COL4A1: variants seen among roughly 807,000 people sequenced by gnomAD.
COL4A1 encodes the protein collagen type IV alpha 1 chain.
Under a neutral mutation model 216.6 loss-of-function variants are expected in COL4A1, and 40 were observed. The observed-to-expected ratio is 0.18, with a 90% confidence interval of 0.14 to 0.24. COL4A1 has a LOEUF of 0.24. Ranked by LOEUF, COL4A1 falls within the 10% of genes least tolerant of loss-of-function variation. COL4A1 has a pLI of 1.00. For synonymous variants in COL4A1, 839 were observed against 810.7 expected (o/e 1.03, Z -0.59); for missense variants, 1,628 against 2,196.8 (o/e 0.74, Z 5.18).
chr13:110,253,843 A>G (rs1216005712), intron 1 of COL4A1, among the ~76,000 whole-genome samples: 1 of 143,106 alleles, frequency 7.0e-6, no homozygotes, highest in Non-Finnish European at 1.5e-5. Flanking sequence ...TATACGTATA[A>G]TTATACGTAT....
At chr13:110,245,802 C>T (rs1881779915) in intron 1 of COL4A1, among the ~76,000 whole-genome samples, 1 of 152,074 alleles carries the variant, frequency 6.6e-6, no homozygotes, top group Non-Finnish European at 1.5e-5. Flanking sequence ...ACAGAAACAC[C>T]CCCAGCCGGT....
intron 1 of COL4A1, among the ~76,000 whole-genome samples, chr13:110,273,345 G>T (rs1454261114): frequency 1.3e-5 from 2 of 152,222 alleles, no homozygotes; most frequent in African/African-American, 2.4e-5. Context: ...ACCTACCTGT[G>T]TCAAAAAGGC....
rs1878669252 is a variant in COL4A1 at position 110,192,291 on chromosome 13, TGAGA to T, written c.1466-11_1466-8del. The T allele has an allele frequency of 2.5e-6, 4 of 1,613,878 alleles. 1 individual carries two copies. The East Asian group carries it at 8.9e-5, about 36-fold the overall frequency. On this transcript the variant is annotated splice_polypyrimidine_tract_variant and splice_region_variant and intron_variant, in intron 23 of 51. Transcript: ENST00000375820. ...CCTGGCTGCCCTGGGAAACCTTTCG[TGAGA>T]GAGAGGGAAAAAGACAGCAACACAG... is the stretch of plus-strand genomic sequence containing the variant.
chr13:110,201,704 G>A (rs770498350), intron 18 of COL4A1, 182 bp from the exon 19 acceptor site: 3 of 754,604 alleles, frequency 4.0e-6, no homozygotes, highest in Admixed American at 1.7e-5. Flanking sequence ...TATGGGACAG[G>A]CCGGTGCGGT....
chr13:110,274,676 G>C (rs1411807502), intron 1 of COL4A1, among the ~76,000 whole-genome samples: 1 of 152,160 alleles, frequency 6.6e-6, no homozygotes, highest in Non-Finnish European at 1.5e-5. Context: ...GGAGTGTCAG[G>C]AAAAGAAACC....
At chr13:110,252,594 ACG>A (rs1882163263) in intron 1 of COL4A1, among the ~76,000 whole-genome samples, 1 of 71,252 alleles carries the variant, frequency 1.4e-5, no homozygotes, top group Non-Finnish European at 2.9e-5. Flanking sequence ...GTATAATTAT[ACG>A]TATATATGTA....
intron 1 of COL4A1, among the ~76,000 whole-genome samples, chr13:110,303,240 G>C (rs1566457847): frequency 1.3e-5 from 2 of 151,844 alleles, no homozygotes. Context: ...AGTTCCTAAA[G>C]GCACTCCTGA....
intron 2 of COL4A1, among the ~76,000 whole-genome samples, chr13:110,229,682 C>T (rs58206866): frequency 0.01 from 1,561 of 152,280 alleles, 16 homozygotes; most frequent in Non-Finnish European, 0.016. Context: ...CCCCCGCCCT[C>T]GCGCTGCCTA....
Position 110,161,976 on chromosome 13 carries a change from T to G in COL4A1, c.4462+254A>C. 10 of 550,130 alleles carry G rather than the reference T, an allele frequency of 1.8e-5. No homozygotes were observed. The South Asian group carries it at 2.2e-4, about 12-fold the overall frequency. The allele number at this position is 550,130 out of a possible 1,614,324, so 34.1% of individuals were successfully genotyped here. On this transcript the variant is annotated intron_variant, in intron 48 of 51. Coordinates refer to ENST00000375820, the MANE Select transcript of COL4A1 (RefSeq NM_001845.6). ...AGATGAGATCTAAAGTTTTATTAAT[T>G]TAAAGATTTTCGAAGATTCAGTCTC...
At chr13:110,197,212 C>A (rs1323436200) in intron 21 of COL4A1, among the ~76,000 whole-genome samples, 1 of 121,030 alleles carries the variant, frequency 8.3e-6, no homozygotes, top group East Asian at 3.0e-4. Context: ...CCCCTGCCCA[C>A]CCCCCACCCC....
intron 1 of COL4A1, among the ~76,000 whole-genome samples, chr13:110,253,782 T>A (rs1333999446): frequency 8.8e-6 from 1 of 113,222 alleles, no homozygotes; most frequent in Non-Finnish European, 2.0e-5. Flanking sequence ...GTATTATATA[T>A]ACGTATAATT....
intron 1 of COL4A1, among the ~76,000 whole-genome samples, chr13:110,274,155 C>A (rs958977980): frequency 5.9e-5 from 9 of 152,142 alleles, no homozygotes; most frequent in African/African-American, 1.9e-4. Flanking sequence ...CCAATGAACA[C>A]AATACCTAAT....
At chr13:110,210,614 C>T (rs1460655822) in intron 8 of COL4A1, among the ~76,000 whole-genome samples, 2 of 152,180 alleles carry the variant, frequency 1.3e-5, no homozygotes, top group African/African-American at 2.4e-5. Flanking sequence ...TTTATAAAAG[C>T]ACGGCGTAAT....
chr13:110,210,805 A>C (rs1879758101), intron 8 of COL4A1, among the ~76,000 whole-genome samples: 1 of 152,134 alleles, frequency 6.6e-6, no homozygotes, highest in Non-Finnish European at 1.5e-5. Context: ...CTTACAGGAT[A>C]AAAGACTGAC....
intron 10 of COL4A1, chr13:110,209,711 G>A: frequency 1.4e-6 from 1 of 699,298 alleles, no homozygotes; most frequent in Non-Finnish European, 2.6e-6. Flanking sequence ...ACTATCAGCA[G>A]TACCCCGCCA....
Position 110,292,104 on chromosome 13 carries a change from C to T in COL4A1, c.84+14840G>A, listed in dbSNP as rs59553054. On this transcript the variant is annotated intron_variant, in intron 1 of 51. Transcript: ENST00000375820. The stretch of plus-strand genomic sequence containing the variant: ...ACCCTCAGAAGTGCCTGCATCCTGC[C>T]TGCCGCTGAGAGCCAAAGCTTTGGA... 4.8e-3 allele frequency among the ~76,000 whole-genome samples: 737 copies of T among 152,318 alleles called. 9 individuals carry two copies. Among genetic ancestry groups the T allele is most frequent in the African/African-American group, 0.017 (710 of 41,574 alleles).
intron 29 of COL4A1, among the ~76,000 whole-genome samples, chr13:110,179,966 C>T (rs1878071336): frequency 6.6e-6 from 1 of 152,118 alleles, no homozygotes; most frequent in African/African-American, 2.4e-5. Context: ...GGTGAAGGTG[C>T]CTTGGAAACA....
intron 1 of COL4A1, among the ~76,000 whole-genome samples, chr13:110,284,624 T>A (rs1308245113): frequency 6.6e-6 from 1 of 152,142 alleles, no homozygotes; most frequent in Non-Finnish European, 1.5e-5. Flanking sequence ...CTAACACAGA[T>A]AGAGCAAGCA....
At chr13:110,273,029 G>A (rs960379931) in intron 1 of COL4A1, among the ~76,000 whole-genome samples, 4 of 152,182 alleles carry the variant, frequency 2.6e-5, no homozygotes, top group Non-Finnish European at 5.9e-5. Flanking sequence ...GTGTGCACAT[G>A]TGTGGTAAAA....
Sources: allele counts gnomAD v4.1 joint callset (sites outside exome capture counted in the v4.1 genomes callset), GRCh38; gene constraint gnomAD v4.1.1; transcripts MANE v1.5; gene names NCBI Gene and HGNC (gene_info 2026-07-23, HGNC 2026-07-21).